The following CUBN variants were observed in gnomAD, a reference collection of about 807,000 sequenced individuals.
CUBN encodes 460 kDa receptor.
CUBN carries 282 observed loss-of-function variants against 405.3 expected under a neutral mutation model. That is an observed-to-expected ratio of 0.70 (90% confidence interval 0.63 to 0.77). The LOEUF (loss-of-function observed/expected upper bound fraction) is 0.77, where lower values mean the gene tolerates loss of function less well. Among genes scored for constraint, CUBN ranks in the 30% least tolerant of loss-of-function variants. The pLI, the probability that CUBN is intolerant of heterozygous loss-of-function variation, is 0.00. For missense variants in CUBN, 4,514 were observed against 4,475.2 expected, an observed-to-expected ratio of 1.01 and a Z score of -0.25; for synonymous variants, 1,684 against 1,617.0, an observed-to-expected ratio of 1.04 and a Z score of -0.99.
intron 13 of CUBN, among the ~76,000 whole-genome samples, chr10:17,101,602 C>G (rs555538850): frequency 6.6e-6 from 1 of 152,060 alleles, no homozygotes; most frequent in Non-Finnish European, 1.5e-5. Context: ...TCAGACATAC[C>G]ATTTTATTTT....
At chr10:16,828,174 T>TTA (rs1564372516) in intron 66 of CUBN, among the ~76,000 whole-genome samples, 2 of 151,370 alleles carry the variant, frequency 1.3e-5, no homozygotes, top group East Asian at 1.9e-4. Context: ...AGCTTTTTTT[T>TTA]AAAAAAACAG....
chr10:16,892,075 T>TTAAA (rs1209637953), intron 54 of CUBN, among the ~76,000 whole-genome samples: 1 of 152,190 alleles, frequency 6.6e-6, no homozygotes, highest in African/African-American at 2.4e-5. Flanking sequence ...CATCAAGTCA[T>TTAAA]TAAAAACATT....
rs183380410 is a variant in CUBN, at chr10:16,975,469, C to T, written c.4695+7015G>A. ...TGACCTAGGCTTTGGTTTGGTGACA[C>T]ACTTTGTATGTTAAATTCCATGGAT... On this transcript the variant is annotated intron_variant, in intron 31 of 66. Transcript: ENST00000377833. Among the ~76,000 whole-genome samples, 709 of 152,292 alleles carry T rather than the reference C, an allele frequency of 4.7e-3. 6 individuals are homozygous for T. Among genetic ancestry groups the T allele is most frequent in the Non-Finnish European group, 6.9e-3 (467 of 68,044 alleles).
rs577974723 is a variant in CUBN, at chr10:16,984,420, C to T, written c.4351-141G>A. The T allele has an allele frequency of 1.6e-5, 13 of 836,620 alleles. No individual in the cohort carries two copies. The Admixed American group carries it at 1.9e-4, about 12-fold the overall frequency. 51.8% of individuals were successfully genotyped at this position (836,620 alleles called of 1,614,324 possible). ...ATCTCAGCCTCCCTGGGTGGGGATG[C>T]ACTATAAACTTGAGCTGAGTTTTCA... On this transcript the variant is annotated intron_variant, in intron 29 of 66. Transcript: ENST00000377833.
chr10:17,085,376 T>C (rs1227890264), intron 16 of CUBN, among the ~76,000 whole-genome samples: 1 of 152,208 alleles, frequency 6.6e-6, no homozygotes. Flanking sequence ...TATCATGATG[T>C]GGATCCCATA....
intron 40 of CUBN, 88 bp from the exon 41 acceptor site, chr10:16,928,391 A>C: frequency 7.0e-7 from 1 of 1,437,296 alleles, no homozygotes; most frequent in Non-Finnish European, 9.7e-7. Flanking sequence ...CAGCTCACAC[A>C]TTTTTCTCAG....
At chr10:17,116,632 G>A (rs556445409) in intron 6 of CUBN, among the ~76,000 whole-genome samples, 5 of 152,330 alleles carry the variant, frequency 3.3e-5, no homozygotes, top group Non-Finnish European at 7.3e-5. Flanking sequence ...TGAGGTACAA[G>A]GAGCTTAGTA....
At position 17,035,682 on chromosome 10, in the gene CUBN, C is replaced by A. The variant is rs1834880444; in HGVS notation, c.4017+5351G>T. On this transcript the variant is annotated intron_variant, in intron 27 of 66. Transcript: ENST00000377833. ...AAAAAGAGCAAGATCAGGTCCTTTG[C>A]AAGAATGTGAATGGAGCTGGAGGCC... Among the ~76,000 whole-genome samples the A allele has an allele frequency of 2.0e-5, 3 of 152,238 alleles. No individual in the cohort carries two copies. In the South Asian group the frequency reaches 6.2e-4, roughly 32 times the overall value.
intron 14 of CUBN, among the ~76,000 whole-genome samples, chr10:17,089,353 G>T (rs1342729861): frequency 6.6e-6 from 1 of 151,930 alleles, no homozygotes; most frequent in Non-Finnish European, 1.5e-5. Context: ...ATAAGCAAAG[G>T]AAAAGATTAA....
chr10:16,931,141 A>G (rs185798597), intron 40 of CUBN, among the ~76,000 whole-genome samples: 167 of 151,830 alleles, frequency 1.1e-3, no homozygotes, highest in African/African-American at 3.6e-3. Flanking sequence ...GCGGGTGCCT[A>G]TAGTCCCAGC....
At chr10:16,900,876 G>C in intron 52 of CUBN, 26 bp from the exon 53 acceptor site, 1 of 1,489,152 alleles carries the variant, frequency 6.7e-7, no homozygotes, top group South Asian at 1.2e-5. Context: ...GAAAATGGTT[G>C]TCAGTGAGCT....
In CUBN at chr10:17,100,236, G is replaced by C. The variant is rs1044765455; in HGVS notation, c.1534C>G (p.Leu512Val). The C allele has an allele frequency of 6.3e-7, 1 of 1,599,626 alleles. No individual in the cohort carries two copies. Among genetic ancestry groups the C allele is most frequent in the Non-Finnish European group, 8.6e-7 (1 of 1,167,158 alleles). Residue 512 changes from leucine to valine, a missense_variant, in exon 14 of 67, where the codon CTG becomes GTG. Physicochemically the swap from Leu to Val is conservative, Grantham distance 32 (BLOSUM62 1). This residue lies in a region of CUBN where 1,448 missense variants were observed against 1,388.0 expected (regional missense o/e 1.04). Coordinates refer to ENST00000377833, the MANE Select transcript of CUBN (RefSeq NM_001081.4). ...CGGAAAAAAGTGAAAGTGATACGCA[G>C]GACCTAAAAATACAAAGGCCACATA... Reference protein sequence around the residue: ...WVIKTEMGKVLRITFTFFRLE... With the variant: ...WVIKTEMGKVVRITFTFFRLE...
chr10:16,945,130 G>C (rs34683673), intron 36 of CUBN, among the ~76,000 whole-genome samples: 21,462 of 152,002 alleles, frequency 0.14, 1,758 homozygotes, highest in Non-Finnish European at 0.19. Flanking sequence ...TGAACACCTA[G>C]CTCAGTTCCT....
intron 14 of CUBN, among the ~76,000 whole-genome samples, chr10:17,094,500 C>T (rs551731797): frequency 6.6e-6 from 1 of 151,658 alleles, no homozygotes; most frequent in East Asian, 1.9e-4. Flanking sequence ...CATAGAATAC[C>T]CTAAAGACTC....
chr10:17,036,219 G>T (rs1834896113), intron 27 of CUBN, among the ~76,000 whole-genome samples: 1 of 152,162 alleles, frequency 6.6e-6, no homozygotes, highest in Non-Finnish European at 1.5e-5. Context: ...CTGGGGATTT[G>T]TCACCAAGGG....
intron 40 of CUBN, among the ~76,000 whole-genome samples, 195 bp from the exon 41 acceptor site, chr10:16,928,498 C>T (rs1842264994): frequency 6.6e-6 from 1 of 150,962 alleles, no homozygotes; most frequent in Admixed American, 6.6e-5. Context: ...TGCTTCCTGC[C>T]CTTTTCTTTA....
intron 39 of CUBN, among the ~76,000 whole-genome samples, chr10:16,934,448 A>G (rs984804223): frequency 3.9e-5 from 6 of 152,170 alleles, no homozygotes; most frequent in African/African-American, 1.2e-4. Context: ...TCTTTACCCT[A>G]TTACTATGTA....
chr10:16,909,956 C>G (rs899812140), intron 48 of CUBN, among the ~76,000 whole-genome samples: 2 of 152,194 alleles, frequency 1.3e-5, no homozygotes, highest in African/African-American at 2.4e-5. Context: ...CTCATTCCAG[C>G]TGGATAAGGT....
intron 31 of CUBN, among the ~76,000 whole-genome samples, chr10:16,960,901 G>A (rs1588522581): frequency 6.6e-6 from 1 of 152,188 alleles, no homozygotes; most frequent in Non-Finnish European, 1.5e-5. Context: ...TTCACCAACA[G>A]GGTGAGAGAA....
Sources: allele counts gnomAD v4.1 joint callset (sites outside exome capture counted in the v4.1 genomes callset), GRCh38; gene constraint gnomAD v4.1.1; regional missense constraint gnomAD v4.1.1; transcripts MANE v1.5; gene names NCBI Gene and HGNC (gene_info 2026-07-23, HGNC 2026-07-21).